RLF: variants seen among roughly 807,000 people sequenced by gnomAD.
RLF encodes zinc finger protein Rlf.
Under a neutral mutation model 162.9 loss-of-function variants are expected in RLF, and 7 were observed. The ratio of observed to expected loss-of-function variants is 0.04; its 90% CI spans 0.02 to 0.08. The LOEUF (loss-of-function observed/expected upper bound fraction) is 0.08. RLF is among the 10% of genes least tolerant of loss of function. The pLI, the probability that RLF is intolerant of heterozygous loss-of-function variation, is 1.00. For synonymous variants in RLF, 782 were observed against 791.5 expected, an observed-to-expected ratio of 0.99 and a Z score of 0.20; for missense variants, 1,664 against 2,244.7, an observed-to-expected ratio of 0.74 and a Z score of 5.23.
intron 2 of RLF, among the ~76,000 whole-genome samples, chr1:40,190,140 AAAG>A (rs1642536592): frequency 6.6e-6 from 1 of 152,182 alleles, no homozygotes; most frequent in East Asian, 1.9e-4. Flanking sequence ...CCTAAGGGGT[AAAG>A]GATTATTCTG....
At chr1:40,175,344 A>T (rs536412163) in intron 1 of RLF, among the ~76,000 whole-genome samples, 5 of 151,952 alleles carry the variant, frequency 3.3e-5, no homozygotes, top group Non-Finnish European at 7.4e-5. Context: ...GAACCTAACA[A>T]GATTTCACTT....
intron 1 of RLF, among the ~76,000 whole-genome samples, chr1:40,167,082 A>G (rs562353010): frequency 6.6e-6 from 1 of 152,336 alleles, no homozygotes; most frequent in South Asian, 2.1e-4. Context: ...TTATCAATCT[A>G]AGCCTACATT....
intron 6 of RLF, among the ~76,000 whole-genome samples, chr1:40,225,878 CAAAAAAA>C (rs71577617): frequency 2.0e-4 from 3 of 14,780 alleles, no homozygotes; most frequent in Middle Eastern, 0.033. Flanking sequence ...GACTCCGTCG[CAAAAAAA>C]AAAAAAAAAA....
chr1:40,218,731 A>T (rs1235350631), intron 5 of RLF, among the ~76,000 whole-genome samples: 3 of 151,372 alleles, frequency 2.0e-5, no homozygotes, highest in Non-Finnish European at 4.4e-5. Flanking sequence ...TTTATTCTTC[A>T]TGTTATTTAT....
chr1:40,226,860 A>G (rs1395266721), intron 6 of RLF, among the ~76,000 whole-genome samples: 3 of 151,888 alleles, frequency 2.0e-5, no homozygotes, highest in Admixed American at 1.3e-4. Context: ...ATATGTGTGT[A>G]TGTATTTATT....
intron 1 of RLF, among the ~76,000 whole-genome samples, chr1:40,171,502 A>G (rs1421637253): frequency 1.3e-5 from 2 of 152,180 alleles, no homozygotes; most frequent in Non-Finnish European, 2.9e-5. Flanking sequence ...AAATAGGCAT[A>G]TTTTTGTGAT....
intron 5 of RLF, among the ~76,000 whole-genome samples, chr1:40,211,316 A>T (rs1642861706): frequency 6.6e-6 from 1 of 152,198 alleles, no homozygotes; most frequent in African/African-American, 2.4e-5. Context: ...CATTAAGCTA[A>T]TTAGAAAGGC....
intron 1 of RLF, among the ~76,000 whole-genome samples, chr1:40,163,594 A>G (rs537164632): frequency 4.6e-5 from 7 of 152,310 alleles, no homozygotes; most frequent in South Asian, 2.1e-4. Flanking sequence ...TGTCTTTTCT[A>G]TGAAGTTTTT....
At chr1:40,229,772 C>T (rs982137802) in intron 6 of RLF, among the ~76,000 whole-genome samples, 2 of 151,950 alleles carry the variant, frequency 1.3e-5, no homozygotes, top group Admixed American at 6.6e-5. Flanking sequence ...TCTTTTGAGA[C>T]ACCATATATT....
chr1:40,174,634 T>G (rs1378214423), intron 1 of RLF, among the ~76,000 whole-genome samples: 3 of 152,222 alleles, frequency 2.0e-5, no homozygotes, highest in Non-Finnish European at 2.9e-5. Flanking sequence ...GTATGTTTTA[T>G]TTGTACCATA....
chr1:40,221,129 G>A (rs945483820), intron 5 of RLF, among the ~76,000 whole-genome samples: 3 of 151,930 alleles, frequency 2.0e-5, no homozygotes, highest in African/African-American at 4.8e-5. Flanking sequence ...GTAAGACACT[G>A]TCTTAAAAAA....
intron 1 of RLF, among the ~76,000 whole-genome samples, chr1:40,185,061 C>A (rs139687954): frequency 1.8e-4 from 28 of 152,146 alleles, no homozygotes; most frequent in African/African-American, 6.0e-4. Flanking sequence ...AGCAAAGAGA[C>A]CCTGTCCCTA....
At chr1:40,211,788 A>AT (rs150335062) in intron 5 of RLF, among the ~76,000 whole-genome samples, 7,900 of 151,910 alleles carry the variant, frequency 0.052, 604 homozygotes, top group African/African-American at 0.17. Context: ...CGCCTGGCTA[A>AT]TTTTTGTATT....
chr1:40,193,411 A>C (rs961306524), intron 3 of RLF, among the ~76,000 whole-genome samples: 2 of 152,344 alleles, frequency 1.3e-5, no homozygotes, highest in South Asian at 4.1e-4. Context: ...AACTTTTAAA[A>C]AGAAACTCAA....
In RLF at chr1:40,236,542, C is replaced by T. The variant is rs377153334; in HGVS notation, c.1840C>T (p.Arg614Cys). The change falls in exon 8 of 8, where the codon CGC becomes TGC. Residue 614 changes from arginine (R) to cysteine (C), a missense_variant. This residue lies in a region of RLF where 50 missense variants were observed against 46.7 expected (regional missense o/e 1.07). Transcript: ENST00000372771. This position sits in a 1 kb window ranked among gnomAD's most constrained non-coding sequence, Gnocchi z 7.7. ...HVKMPPSRRD[R>C]SKKKLLLKGS... ...TAAAATGCCACCAAGCAGAAGGGAC[C>T]GCTCTAAAAAGAAATTACTGTTAAA... The T allele has an allele frequency of 9.3e-6, 15 of 1,613,804 alleles. No individual in the cohort carries two copies. The highest frequency in any genetic ancestry group is 3.3e-5 in the Admixed American group (2 of 59,976).
At chr1:40,182,851 A>G (rs1642425125) in intron 1 of RLF, among the ~76,000 whole-genome samples, 1 of 152,152 alleles carries the variant, frequency 6.6e-6, no homozygotes, top group African/African-American at 2.4e-5. Flanking sequence ...AATATAGAAA[A>G]TGAGGCAGGG....
Position 40,240,643 on chromosome 1 carries a change from T to A in RLF, c.*196T>A, listed in dbSNP as rs1429766929. 1 of 536,112 alleles carries A rather than the reference T, an allele frequency of 1.9e-6. No individual in the cohort carries two copies. The highest frequency in any genetic ancestry group is 3.3e-6 in the Non-Finnish European group (1 of 302,338). The allele number at this position is 536,112 out of a possible 1,614,324, so 33.2% of individuals were successfully genotyped here. A position where few individuals can be genotyped will look rare whatever the true frequency, so the allele number is the denominator to read the frequency against. On this transcript the variant is annotated 3_prime_UTR_variant, in exon 8 of 8. Transcript: ENST00000372771. Reference sequence around the variant, plus strand: ...TCTCCAGTTGGTTTAATGATTGGGTTTATTTTTGTTTGTTTGTTTATTAAA... The same window carrying A: ...TCTCCAGTTGGTTTAATGATTGGGTATATTTTTGTTTGTTTGTTTATTAAA...
intron 1 of RLF, among the ~76,000 whole-genome samples, chr1:40,175,710 C>T (rs1352974636): frequency 6.7e-6 from 1 of 148,550 alleles, no homozygotes; most frequent in African/African-American, 2.5e-5. Context: ...CTCTTGAACC[C>T]GGGAAGTGGA....
chr1:40,219,774 T>G (rs1470231971), intron 5 of RLF, among the ~76,000 whole-genome samples: 2 of 152,184 alleles, frequency 1.3e-5, no homozygotes, highest in Non-Finnish European at 2.9e-5. Flanking sequence ...AACAGCAATA[T>G]TAAGAGCTAA....
Sources: gnomAD v4.1 joint callset for allele counts (sites outside exome capture counted in the v4.1 genomes callset) on GRCh38, gnomAD v4.1.1 for gene constraint, gnomAD v4.1.1 regional missense constraint, Gnocchi (gnomAD v3.1) non-coding constraint, MANE v1.5 for transcripts, NCBI Gene and HGNC (gene_info 2026-07-23, HGNC 2026-07-21) for gene names.